RNF6: variants seen among roughly 807,000 people sequenced by gnomAD.
RNF6 encodes the protein E3 ubiquitin-protein ligase RNF6.
A neutral mutation model predicts 50.1 loss-of-function variants in RNF6; 21 were observed. That is an observed-to-expected ratio of 0.42 (90% CI 0.30 to 0.60). RNF6 has a LOEUF of 0.60. Ranked by LOEUF, RNF6 falls within the 20% of genes least tolerant of loss-of-function variation. The pLI is 0.20. For synonymous variants in RNF6, 255 were observed against 291.8 expected (o/e 0.87, Z 1.29); for missense variants, 698 against 838.2 (o/e 0.83, Z 2.07).
chr13:26,201,868 T>C (rs1868910397), intron 5 of RNF6, among the ~76,000 whole-genome samples: 1 of 152,160 alleles, frequency 6.6e-6, no homozygotes, highest in South Asian at 2.1e-4. Context: ...GTTTCATCCT[T>C]TGAGAGCCAG....
chr13:26,189,508 G>A (rs1868378189), intron 5 of RNF6, among the ~76,000 whole-genome samples: 1 of 152,184 alleles, frequency 6.6e-6, no homozygotes, highest in South Asian at 2.1e-4. Flanking sequence ...GGAGGAAATG[G>A]AAAACTCCTA....
At chr13:26,150,801 AACTT>A (rs1312116890) in intron 5 of RNF6, 2 of 152,178 alleles carry the variant, frequency 1.3e-5, no homozygotes, top group Non-Finnish European at 2.9e-5. Context: ...TTTAACAGTA[AACTT>A]ACTTAATCTT....
chr13:26,203,446 T>C (rs1429393372), intron 5 of RNF6, among the ~76,000 whole-genome samples: 1 of 152,250 alleles, frequency 6.6e-6, no homozygotes, highest in Non-Finnish European at 1.5e-5. Context: ...GTTAAATATT[T>C]GTGGTAGTCA....
At chr13:26,151,636 G>T (rs943571806) in intron 5 of RNF6, among the ~76,000 whole-genome samples, 67 of 31,328 alleles carry the variant, frequency 2.1e-3, no homozygotes, top group Non-Finnish European at 6.3e-3. Flanking sequence ...TTTTTTTTTG[G>T]CAGAGGAGAC....
chr13:26,149,092 AAT>A (rs1456452989), intron 5 of RNF6: 1 of 152,120 alleles, frequency 6.6e-6, no homozygotes, highest in Non-Finnish European at 1.5e-5. Flanking sequence ...AAATGCCCAG[AAT>A]AATGTATGAC....
At chr13:26,163,729 T>TA (rs139529247) in intron 5 of RNF6, among the ~76,000 whole-genome samples, 2,156 of 152,270 alleles carry the variant, frequency 0.014, 39 homozygotes, top group African/African-American at 0.047. Flanking sequence ...TGATTGTACC[T>TA]AAAATTTATT....
At chr13:26,167,942 G>C (rs1872527639) in intron 5 of RNF6, among the ~76,000 whole-genome samples, 1 of 152,124 alleles carries the variant, frequency 6.6e-6, no homozygotes, top group South Asian at 2.1e-4. Context: ...AACTAACACA[G>C]GAACAGATAA....
In RNF6 at chr13:26,214,003, C is replaced by G. The variant is rs746077812; in HGVS notation, c.1879G>C (p.Glu627Gln). 1 of 1,614,158 alleles carries G rather than the reference C, an allele frequency of 6.2e-7. No individual in the cohort carries two copies. The highest frequency in any genetic ancestry group is 1.1e-5 in the South Asian group (1 of 91,072). Residue 627 changes from glutamate (E) to glutamine (Q), a missense_variant, in exon 5 of 5, where the codon GAA (glutamate) becomes CAA (glutamine). Transcript: ENST00000381588. ...RHYEHNSIDS[E>Q]LGKICSVCIS... ...CAAACACTACAGATTTTACCTAGTT[C>G]ACTATCAATACTGTTATGCTCATAG...
intron 5 of RNF6, among the ~76,000 whole-genome samples, chr13:26,165,195 A>C (rs1347092169): frequency 6.6e-6 from 1 of 152,216 alleles, no homozygotes; most frequent in East Asian, 1.9e-4. Context: ...ACATGGCTTC[A>C]GAAGGTGCAA....
chr13:26,161,580 A>C (rs1043991512), intron 5 of RNF6, among the ~76,000 whole-genome samples: 7 of 152,146 alleles, frequency 4.6e-5, no homozygotes, highest in African/African-American at 1.4e-4. Context: ...TTACTATTGC[A>C]AATAGAATAT....
chr13:26,169,501 C>T lies in RNF6; in HGVS notation n.769-37050G>A, dbSNP rs144638637. 2.4e-3 allele frequency among the ~76,000 whole-genome samples: 365 copies of T among 152,302 alleles called. 2 individuals carry two copies. The highest frequency in any genetic ancestry group is 8.6e-3 in the African/African-American group (357 of 41,554). ...TTCTTCCAGACTACAGGCCCCTGAC[C>T]TACCTTTTTTTGTGTCCTACAGTAA... On this transcript the variant is annotated intron_variant and non_coding_transcript_variant, in intron 5 of 5. Coordinates refer to the RNF6 transcript ENST00000468480.
intron 5 of RNF6, among the ~76,000 whole-genome samples, chr13:26,140,608 A>G (rs1334730583): frequency 2.0e-5 from 3 of 152,190 alleles, no homozygotes; most frequent in African/African-American, 7.2e-5. Context: ...CTCCTATTCA[A>G]CATAGTACTG....
intron 5 of RNF6, among the ~76,000 whole-genome samples, chr13:26,159,457 T>C (rs1200841869): frequency 1.3e-5 from 2 of 151,998 alleles, no homozygotes; most frequent in Non-Finnish European, 2.9e-5. Flanking sequence ...ACGCCGTCTC[T>C]ACTAAAAAAT....
intron 5 of RNF6, among the ~76,000 whole-genome samples, chr13:26,150,000 AGTGTATATATAAT>A (rs1394445728): frequency 7.6e-6 from 1 of 132,412 alleles, no homozygotes; most frequent in African/African-American, 2.9e-5. Flanking sequence ...ATATATACAC[AGTGTATATATAAT>A]GTGTATATAT....
intron 5 of RNF6, chr13:26,145,016 CA>C (rs1871155825): frequency 6.6e-6 from 1 of 152,094 alleles, no homozygotes; most frequent in Non-Finnish European, 1.5e-5. Flanking sequence ...TCCTGTGAAC[CA>C]AATTGTGACA....
At chr13:26,167,159 T>C (rs142422337) in intron 5 of RNF6, among the ~76,000 whole-genome samples, 1,616 of 152,254 alleles carry the variant, frequency 0.011, 27 homozygotes, top group African/African-American at 0.037. Context: ...GATTTCATGA[T>C]GAAGATGCCA....
At chr13:26,188,662 G>A (rs1873672197) in intron 5 of RNF6, among the ~76,000 whole-genome samples, 1 of 83,534 alleles carries the variant, frequency 1.2e-5, no homozygotes, top group Non-Finnish European at 1.9e-5. Flanking sequence ...TTGAGATGAA[G>A]TCTCACTCTG....
In RNF6 at chr13:26,219,638, A is replaced by G; in HGVS notation, c.12T>C (p.Ser4=). The change falls in exon 3 of 5, where the codon TCT becomes TCC. Residue 4 remains serine (S), a synonymous_variant. Coordinates refer to ENST00000381588, the MANE Select transcript of RNF6 (RefSeq NM_005977.4). The part of the protein sequence containing the change: MNQ[S]RSRSDGGSEE... Reference sequence around the variant, plus strand: ...CACTGCCACCATCTGATCTCGATCTAGACTGATTCATCCTGAGATTCCTGG... The same window carrying G: ...CACTGCCACCATCTGATCTCGATCTGGACTGATTCATCCTGAGATTCCTGG... 6.2e-7 allele frequency: 1 copy of G among 1,613,214 alleles called. No individual in the cohort carries two copies. The highest frequency in any genetic ancestry group is 1.1e-5 in the South Asian group (1 of 91,030).
At chr13:26,220,026 A>G (rs575837568) in intron 2 of RNF6, among the ~76,000 whole-genome samples, 2 of 152,310 alleles carry the variant, frequency 1.3e-5, no homozygotes, top group African/African-American at 4.8e-5. Context: ...ACTTCACATT[A>G]ATTACAAATT....
Sources: allele counts gnomAD v4.1 joint callset (sites outside exome capture counted in the v4.1 genomes callset), GRCh38; gene constraint gnomAD v4.1.1; transcripts MANE v1.5; gene names NCBI Gene and HGNC (gene_info 2026-07-23, HGNC 2026-07-21).